CERKL: variants seen among roughly 807,000 people sequenced by gnomAD.
CERKL encodes the protein CERK like autophagy regulator, also known as ceramide kinase-like protein.
Under a neutral mutation model 63.4 loss-of-function variants are expected in CERKL, and 61 were observed. The observed-to-expected ratio is 0.96, with a 90% CI of 0.78 to 1.19. The LOEUF (loss-of-function observed/expected upper bound fraction) is 1.19. Among genes scored for constraint, CERKL ranks in the 50% most tolerant of loss-of-function variants. The pLI is 0.00. For synonymous variants in CERKL, 250 were observed against 230.5 expected, an observed-to-expected ratio of 1.08 and a Z score of -0.77; for missense variants, 675 against 655.5, an observed-to-expected ratio of 1.03 and a Z score of -0.33.
chr2:181,537,489 CT>C lies in CERKL; in HGVS notation c.*694del. On this transcript the variant is annotated 3_prime_UTR_variant, in exon 13 of 13. Coordinates refer to ENST00000410087, the MANE Select transcript of CERKL (RefSeq NM_201548.5). The stretch of plus-strand genomic sequence containing the variant: ...TTTAAGAAGACAGGGATGGGTTATT[CT>C]TTTTTGGCAGGTAGGCTATATAACT... The C allele has an allele frequency of 2.2e-6, 1 of 453,530 alleles. No homozygotes were observed. The highest frequency in any genetic ancestry group is 4.4e-6 in the Non-Finnish European group (1 of 226,534). 28.1% of individuals were successfully genotyped at this position (453,530 alleles called of 1,614,324 possible).
intron 2 of CERKL, among the ~76,000 whole-genome samples, chr2:181,574,196 C>T (rs893435486): frequency 3.3e-5 from 5 of 152,142 alleles, no homozygotes; most frequent in Non-Finnish European, 5.9e-5. Context: ...TACCAAACCA[C>T]AATATATCAA....
At chr2:181,638,134 G>C (rs1687263466) in intron 1 of CERKL, among the ~76,000 whole-genome samples, 1 of 152,148 alleles carries the variant, frequency 6.6e-6, no homozygotes, top group Non-Finnish European at 1.5e-5. Context: ...ATAATCCTAT[G>C]ATACATTTTT....
Position 181,657,089 on chromosome 2 carries a change from T to TA in CERKL, c.-84dup. On this transcript the variant is annotated 5_prime_UTR_variant, in exon 1 of 13. Transcript: ENST00000410087. ...GTGGAGGGCGCGGCAGCCCCAGCTC[T>TA]AGCCGCGTCCAGCGCTGCCACAGCA... is the stretch of plus-strand genomic sequence containing the variant. 1 of 1,287,986 alleles carries TA rather than the reference T, an allele frequency of 7.8e-7. No homozygotes were observed. Among genetic ancestry groups the TA allele is most frequent in the Non-Finnish European group, 1.1e-6 (1 of 913,546 alleles). The allele number at this position is 1,287,986 out of a possible 1,614,324, so 79.8% of individuals were successfully genotyped here. A position where few individuals can be genotyped will look rare whatever the true frequency, so the allele number is the denominator to read the frequency against.
At chr2:181,553,505 G>C (rs1025180945) in intron 5 of CERKL, among the ~76,000 whole-genome samples, 34 of 152,152 alleles carry the variant, frequency 2.2e-4, no homozygotes, top group African/African-American at 8.0e-4. Context: ...GTGCAATAGA[G>C]AATGACACAT....
Position 181,537,094 on chromosome 2 carries a change from GGAATAAACTTTA to G in CERKL, c.*1078_*1089del. The G allele has an allele frequency of 2.2e-6, 1 of 452,322 alleles. No individual in the cohort carries two copies. Among genetic ancestry groups the G allele is most frequent in the Non-Finnish European group, 4.4e-6 (1 of 226,096 alleles). The allele number at this position is 452,322 out of a possible 1,614,324, so 28.0% of individuals were successfully genotyped here. A position where few individuals can be genotyped will look rare whatever the true frequency, so the allele number is the denominator to read the frequency against. On this transcript the variant is annotated 3_prime_UTR_variant, in exon 13 of 13. Coordinates refer to ENST00000410087, the MANE Select transcript of CERKL (RefSeq NM_201548.5). ...CCTGAACCCAGAGTGTGTATACACA[GGAATAAACTTTA>G]TGACATTTATGTATTTTTAAAAAAC...
At chr2:181,545,087 C>T (rs899029631) in intron 10 of CERKL, among the ~76,000 whole-genome samples, 2 of 152,068 alleles carry the variant, frequency 1.3e-5, no homozygotes, top group African/African-American at 4.8e-5. Context: ...CATATCAAGA[C>T]ATAATTTAAA....
rs984424507 is a variant in CERKL at position 181,547,999 on chromosome 2, A to C, written c.1134-152T>G. 4 of 638,972 alleles carry C rather than the reference A, an allele frequency of 6.3e-6. No homozygotes were observed. In the African/African-American group the frequency reaches 8.0e-5, roughly 13 times the overall value. 39.6% of individuals were successfully genotyped at this position (638,972 alleles called of 1,614,324 possible). ...TCAATTAGATAGTAAGTAAAAACGT[A>C]CAATTTTGTTGCTGCCAACATAATG... On this transcript the variant is annotated intron_variant, in intron 8 of 12. Transcript: ENST00000410087.
intron 3 of CERKL, among the ~76,000 whole-genome samples, chr2:181,571,926 T>C (rs909120399): frequency 6.6e-6 from 1 of 152,190 alleles, no homozygotes. Context: ...TGCACACATA[T>C]GCACACCTCT....
At chr2:181,652,642 T>C (rs1687988797) in intron 1 of CERKL, among the ~76,000 whole-genome samples, 1 of 152,154 alleles carries the variant, frequency 6.6e-6, no homozygotes, top group Non-Finnish European at 1.5e-5. Context: ...TAAAAAACTT[T>C]GCACCTTGAA....
At chr2:181,641,110 T>C (rs1687400477) in intron 1 of CERKL, among the ~76,000 whole-genome samples, 3 of 152,080 alleles carry the variant, frequency 2.0e-5, no homozygotes, top group Non-Finnish European at 2.9e-5. Flanking sequence ...ACTATTCTTG[T>C]AGTAAGAAAC....
chr2:181,643,779 T>A (rs1273653868), intron 1 of CERKL, among the ~76,000 whole-genome samples: 1 of 152,210 alleles, frequency 6.6e-6, no homozygotes, highest in African/African-American at 2.4e-5. Flanking sequence ...TTAAACATAC[T>A]AATATATGAG....
intron 1 of CERKL, among the ~76,000 whole-genome samples, chr2:181,652,638 A>G (rs976801103): frequency 9.9e-5 from 15 of 152,226 alleles, no homozygotes; most frequent in African/African-American, 3.4e-4. Flanking sequence ...AAACTAAAAA[A>G]CTTTGCACCT....
chr2:181,566,132 AAC>A lies in CERKL; in HGVS notation c.614-13_614-12del, dbSNP rs369911393. 1.0e-5 allele frequency: 16 copies of A among 1,604,518 alleles called. No homozygotes were observed. Among genetic ancestry groups the A allele is most frequent in the Non-Finnish European group, 1.3e-5 (15 of 1,171,672 alleles). On this transcript the variant is annotated splice_polypyrimidine_tract_variant and intron_variant, in intron 3 of 12. Coordinates refer to ENST00000410087, the MANE Select transcript of CERKL (RefSeq NM_201548.5). ...CTTCATATTCCATTACTATTAAAAA[AAC>A]ACACACACATACACAAAGTGACAGT...
In CERKL at chr2:181,652,724, G is replaced by C. The variant is rs573827939; in HGVS notation, c.238+4045C>G. Among the ~76,000 whole-genome samples, 43 of 151,460 alleles carry C rather than the reference G, an allele frequency of 2.8e-4. 1 individual carries two copies. In the South Asian group the frequency reaches 8.5e-3, roughly 30 times the overall value. ...ATTTGCAATCTATACATGCGACAAA[G>C]GGATAAAATCCAAAATATATAAGAA... On this transcript the variant is annotated intron_variant, in intron 1 of 12. Transcript: ENST00000410087.
intron 1 of CERKL, among the ~76,000 whole-genome samples, chr2:181,614,148 T>A (rs1478789469): frequency 6.6e-6 from 1 of 152,278 alleles, no homozygotes; most frequent in South Asian, 2.1e-4. Flanking sequence ...CTTCCTAGAC[T>A]TGAGAGAGAG....
At chr2:181,561,756 A>G (rs1302459644) in intron 4 of CERKL, among the ~76,000 whole-genome samples, 6 of 152,096 alleles carry the variant, frequency 3.9e-5, no homozygotes, top group Non-Finnish European at 7.4e-5. Context: ...CTTCATCTAC[A>G]TAACAAGAAC....
At position 181,548,689 on chromosome 2, in the gene CERKL, G is replaced by T. The variant is rs144917662; in HGVS notation, c.1064C>A (p.Ala355Glu). Residue 355 changes from alanine (A) to glutamate (E), a missense_variant, in exon 7 of 13, where the codon GCA becomes GAA. Coordinates refer to ENST00000410087, the MANE Select transcript of CERKL (RefSeq NM_201548.5). ...RRDFAVVKAL[A>E]KLKAEDCEIS... ...TAAGAAAAAGACTTACTTAAGTTTT[G>T]CCAGTGCCTTAACAACAGCAAAATC... is the stretch of plus-strand genomic sequence containing the variant. The T allele has an allele frequency of 6.8e-6, 11 of 1,613,786 alleles. No individual in the cohort carries two copies. In the African/African-American group the frequency reaches 1.3e-4, roughly 20 times the overall value.
At chr2:181,552,774 T>C (rs1688040953) in intron 5 of CERKL, among the ~76,000 whole-genome samples, 1 of 152,284 alleles carries the variant, frequency 6.6e-6, no homozygotes, top group African/African-American at 2.4e-5. Flanking sequence ...TTTCAAAACA[T>C]CACATTGTAC....
chr2:181,562,399 T>C (rs2105826736), intron 4 of CERKL, among the ~76,000 whole-genome samples: 1 of 152,312 alleles, frequency 6.6e-6, no homozygotes, highest in African/African-American at 2.4e-5. Flanking sequence ...AGGACCCCCC[T>C]GGGGTTATCA....
Sources: gnomAD v4.1 joint callset for allele counts (sites outside exome capture counted in the v4.1 genomes callset) on GRCh38, gnomAD v4.1.1 for gene constraint, MANE v1.5 for transcripts, NCBI Gene and HGNC (gene_info 2026-07-23, HGNC 2026-07-21) for gene names.